Variants in CA8 observed in about 807,000 individuals in gnomAD.
CA8 encodes carbonic anhydrase-related protein.
A neutral mutation model predicts 41.4 loss-of-function variants in CA8; 22 were observed. The ratio of observed to expected loss-of-function variants is 0.53; its 90% CI spans 0.38 to 0.76. The LOEUF (loss-of-function observed/expected upper bound fraction) is 0.76. CA8 is among the 30% of genes least tolerant of loss of function. The pLI is 0.00. For missense variants in CA8, 270 were observed against 352.8 expected, an observed-to-expected ratio of 0.77 and a Z score of 1.88; for synonymous variants, 121 against 130.6, an observed-to-expected ratio of 0.93 and a Z score of 0.50.
At chr8:60,195,587 G>A (rs1304116409) in intron 8 of CA8, among the ~76,000 whole-genome samples, 4 of 152,150 alleles carry the variant, frequency 2.6e-5, no homozygotes, top group Non-Finnish European at 5.9e-5. Flanking sequence ...CTTCAGAGGG[G>A]GCTCTTTGTC....
intron 8 of CA8, among the ~76,000 whole-genome samples, chr8:60,197,962 G>C (rs550283392): frequency 9.2e-4 from 140 of 152,262 alleles, no homozygotes; most frequent in Non-Finnish European, 1.8e-3. Context: ...CATAACCCTT[G>C]TAGAGGGTAC....
Position 60,186,976 on chromosome 8 carries a change from C to T in CA8, c.*3045G>A, listed in dbSNP as rs1805983153. Among the ~76,000 whole-genome samples the T allele has an allele frequency of 6.6e-6, 1 of 152,036 alleles. No homozygotes were observed. Among genetic ancestry groups the T allele is most frequent in the Non-Finnish European group, 1.5e-5 (1 of 67,938 alleles). On this transcript the variant is annotated 3_prime_UTR_variant, in exon 9 of 9. Transcript: ENST00000317995. ...ACTTGAACAACACAACAGGCCAACA[C>T]TATAGACCTAACAGCCATCTATCTA...
intron 2 of CA8, among the ~76,000 whole-genome samples, chr8:60,267,251 G>A (rs559621040): frequency 1.1e-4 from 16 of 152,326 alleles, no homozygotes; most frequent in South Asian, 2.1e-4. Flanking sequence ...GGGAAGCCAA[G>A]AAAGAGGCAG....
chr8:60,279,039 C>A (rs150962235), intron 2 of CA8, among the ~76,000 whole-genome samples: 3 of 152,262 alleles, frequency 2.0e-5, no homozygotes, highest in African/African-American at 7.2e-5. Context: ...AATTACCTAA[C>A]AACTTTTGCA....
At chr8:60,280,891 C>T (rs1303354143) in intron 1 of CA8, among the ~76,000 whole-genome samples, 157 bp downstream of exon 1, 1 of 152,180 alleles carries the variant, frequency 6.6e-6, no homozygotes, top group African/African-American at 2.4e-5. Context: ...CCGCCCGAAA[C>T]GCACCAGGGG....
At chr8:60,280,833 A>G (rs1804393539) in intron 1 of CA8, among the ~76,000 whole-genome samples, 1 of 152,200 alleles carries the variant, frequency 6.6e-6, no homozygotes, top group African/African-American at 2.4e-5. Context: ...GTGAGAGCGC[A>G]GGCGGCGGAA....
At chr8:60,243,781 G>A (rs1250527051) in intron 3 of CA8, among the ~76,000 whole-genome samples, 1 of 152,090 alleles carries the variant, frequency 6.6e-6, no homozygotes, top group Non-Finnish European at 1.5e-5. Context: ...CACTCTCCTG[G>A]TCTCCTTCTT....
intron 8 of CA8, among the ~76,000 whole-genome samples, chr8:60,204,778 A>G (rs1434198395): frequency 1.3e-5 from 2 of 152,232 alleles, no homozygotes; most frequent in East Asian, 1.9e-4. Context: ...TTATCAGAGG[A>G]GAGTCCAAGT....
chr8:60,196,895 C>G (rs1328726906), intron 8 of CA8, among the ~76,000 whole-genome samples: 1 of 152,054 alleles, frequency 6.6e-6, no homozygotes, highest in Non-Finnish European at 1.5e-5. Context: ...GGTCGATGCA[C>G]ATGAATACAC....
intron 3 of CA8, among the ~76,000 whole-genome samples, chr8:60,236,049 C>G (rs1323573257): frequency 6.6e-6 from 1 of 152,130 alleles, no homozygotes; most frequent in Non-Finnish European, 1.5e-5. Context: ...CTTGGCTAGG[C>G]TATGGTGCCC....
At chr8:60,279,169 A>G (rs2130638028) in intron 2 of CA8, among the ~76,000 whole-genome samples, 1 of 152,288 alleles carries the variant, frequency 6.6e-6, no homozygotes. Flanking sequence ...TACCATTTAA[A>G]TCTCTGGCTG....
Position 60,191,298 on chromosome 8 carries a change from T to G in CA8, c.*36-1313A>C, listed in dbSNP as rs1343884519. ...CCTCACATAGTTAAAAATATACTTT[T>G]AGCACTTTTCAAGAAAGTGATATGA... On this transcript the variant is annotated intron_variant, in intron 8 of 8. Coordinates refer to ENST00000317995, the MANE Select transcript of CA8 (RefSeq NM_004056.6). 2.6e-5 allele frequency among the ~76,000 whole-genome samples: 4 copies of G among 152,102 alleles called. No individual in the cohort carries two copies. In the East Asian group the frequency reaches 7.7e-4, roughly 29 times the overall value.
intron 3 of CA8, among the ~76,000 whole-genome samples, chr8:60,245,370 C>T (rs1209792164): frequency 6.6e-6 from 1 of 152,144 alleles, no homozygotes; most frequent in East Asian, 1.9e-4. Context: ...CTGTGAAAAT[C>T]TACACCTATG....
intron 6 of CA8, among the ~76,000 whole-genome samples, chr8:60,223,935 T>C (rs567357590): frequency 6.6e-6 from 1 of 152,354 alleles, no homozygotes; most frequent in South Asian, 2.1e-4. Flanking sequence ...AATTGTTATC[T>C]GTACAGAAAT....
rs559099468 is a variant in CA8, at chr8:60,234,213, T to C, written c.418-1834A>G. ...AGTGAGAGACACTCCACAAAATACT[T>C]CACCAGTAAGTACTCCTCAAAACGG... On this transcript the variant is annotated intron_variant, in intron 3 of 8. Coordinates refer to ENST00000317995, the MANE Select transcript of CA8 (RefSeq NM_004056.6). Among the ~76,000 whole-genome samples the C allele has an allele frequency of 2.2e-4, 33 of 152,130 alleles. 1 individual carries two copies. In the South Asian group the frequency reaches 6.6e-3, roughly 31 times the overall value.
chr8:60,192,593 C>T (rs538803703), intron 8 of CA8, among the ~76,000 whole-genome samples: 12 of 152,110 alleles, frequency 7.9e-5, no homozygotes, highest in African/African-American at 2.7e-4. Context: ...TTCCGTATTC[C>T]CAAGCTCCAG....
chr8:60,253,093 T>G (rs1042435197), intron 3 of CA8, among the ~76,000 whole-genome samples: 4 of 151,690 alleles, frequency 2.6e-5, no homozygotes, highest in African/African-American at 9.7e-5. Flanking sequence ...AAATTAGCCA[T>G]GCATAGTGGC....
chr8:60,276,312 G>A (rs1037489950), intron 2 of CA8, among the ~76,000 whole-genome samples: 3 of 152,178 alleles, frequency 2.0e-5, no homozygotes, highest in Non-Finnish European at 4.4e-5. Flanking sequence ...TGTTAGGAGA[G>A]GCCTGGAGAG....
intron 3 of CA8, chr8:60,265,591 T>G (rs999292627): frequency 3.3e-6 from 1 of 302,944 alleles, no homozygotes; most frequent in African/African-American, 2.2e-5. Flanking sequence ...TTGCTTGTCT[T>G]CAGCTCGTCA....
Sources: gnomAD v4.1 joint callset for allele counts (sites outside exome capture counted in the v4.1 genomes callset) on GRCh38, gnomAD v4.1.1 for gene constraint, MANE v1.5 for transcripts, NCBI Gene and HGNC (gene_info 2026-07-23, HGNC 2026-07-21) for gene names.